The following NPY2R variants were observed in gnomAD, a reference collection of about 807,000 sequenced individuals.
The protein encoded by NPY2R is neuropeptide Y receptor Y2.
A neutral mutation model predicts 22.3 loss-of-function variants in NPY2R; 17 were observed. The observed-to-expected ratio is 0.76, with a 90% CI of 0.52 to 1.14. The LOEUF is 1.14. NPY2R is among the 50% of genes most tolerant of loss of function. The pLI is 0.00. For missense variants in NPY2R, 424 were observed against 467.9 expected (o/e 0.91, Z 0.87); for synonymous variants, 209 against 183.4 (o/e 1.14, Z -1.13).
the NPY2R span, among the ~76,000 whole-genome samples, chr4:155,199,383 A>G: frequency 6.6e-6 from 1 of 152,168 alleles, no homozygotes; most frequent in Non-Finnish European, 1.5e-5. Context: ...AACAAATGGA[A>G]AAACATTTCA....
At chr4:155,213,269 A>G (rs1729442257) in intron 1 of NPY2R, among the ~76,000 whole-genome samples, 1 of 152,206 alleles carries the variant, frequency 6.6e-6, no homozygotes, top group Non-Finnish European at 1.5e-5. Context: ...TTTGTACCCC[A>G]AAAGCTATTG....
At chr4:155,201,143 G>A in the NPY2R span, among the ~76,000 whole-genome samples, 4 of 151,920 alleles carry the variant, frequency 2.6e-5, no homozygotes, top group African/African-American at 7.3e-5. Flanking sequence ...TTGTATATAC[G>A]TGCCATTTTC....
chr4:155,204,282 T>C (rs1267946461), upstream of NPY2R, among the ~76,000 whole-genome samples: 1 of 152,174 alleles, frequency 6.6e-6, no homozygotes, highest in Non-Finnish European at 1.5e-5. Flanking sequence ...CTTATTCTCT[T>C]GTGCTTTTTT....
chr4:155,193,238 C>T, the NPY2R span, among the ~76,000 whole-genome samples: 1 of 151,800 alleles, frequency 6.6e-6, no homozygotes, highest in Non-Finnish European at 1.5e-5. Flanking sequence ...AGGTTCAATA[C>T]CATTACCCCT....
At chr4:155,199,783 C>T in the NPY2R span, among the ~76,000 whole-genome samples, 1 of 152,036 alleles carries the variant, frequency 6.6e-6, no homozygotes, top group African/African-American at 2.4e-5. Context: ...ATAAATGGTG[C>T]CAGGAAAACT....
the NPY2R span, among the ~76,000 whole-genome samples, chr4:155,178,037 T>C: frequency 6.6e-6 from 1 of 152,204 alleles, no homozygotes; most frequent in Admixed American, 6.6e-5. Context: ...ATTTTAGTTA[T>C]AAGAATATTT....
At chr4:155,176,430 A>T in the NPY2R span, among the ~76,000 whole-genome samples, 5 of 152,120 alleles carry the variant, frequency 3.3e-5, no homozygotes, top group Admixed American at 3.3e-4. Context: ...CAGATCAAGG[A>T]ATATAATGCT....
chr4:155,190,010 C>T, the NPY2R span, among the ~76,000 whole-genome samples: 2 of 151,956 alleles, frequency 1.3e-5, 1 homozygote, highest in African/African-American at 4.8e-5. Context: ...CTCTGGAAGT[C>T]ACTGAATGTA....
chr4:155,186,666 A>G, the NPY2R span, among the ~76,000 whole-genome samples: 2 of 152,192 alleles, frequency 1.3e-5, no homozygotes, highest in Non-Finnish European at 2.9e-5. Context: ...AACTATACTC[A>G]TCATGATACA....
At chr4:155,202,613 A>G in the NPY2R span, among the ~76,000 whole-genome samples, 1 of 152,148 alleles carries the variant, frequency 6.6e-6, no homozygotes, top group Admixed American at 6.6e-5. Context: ...ATGTTCTGAA[A>G]TTTTTATTTT....
chr4:155,202,749 CT>C, the NPY2R span, among the ~76,000 whole-genome samples: 2 of 151,966 alleles, frequency 1.3e-5, no homozygotes, highest in Non-Finnish European at 2.9e-5. Context: ...TACTTGTACT[CT>C]TTTTAAAAAA....
chr4:155,184,729 A>AT, the NPY2R span, among the ~76,000 whole-genome samples: 2 of 152,164 alleles, frequency 1.3e-5, no homozygotes, highest in South Asian at 4.1e-4. Context: ...ATTCTCAAAT[A>AT]TTGTGCTGCG....
Position 155,214,752 on chromosome 4 carries a change from GT to G in NPY2R, c.814del (p.Cys272ValfsTer29). Reference sequence around the variant, plus strand: ...GGCAAAAAACCACCAAAATGCTGGTGTGTGTGGTGGTGGTGTTTGCGGTCAG... The same window carrying G: ...GGCAAAAAACCACCAAAATGCTGGTGGTGTGGTGGTGGTGTTTGCGGTCAG... ...RRQKTTKMLVCVVVVFAVSWL... is the reference protein window; with the variant it reads ...RRQKTTKMLVXVVVVFAVSWL... On this transcript the variant is annotated frameshift_variant, in exon 2 of 2. Transcript: ENST00000329476. LOFTEE classifies it high-confidence loss of function. The G allele has an allele frequency of 2.5e-6, 4 of 1,614,214 alleles. No individual in the cohort carries two copies. Among genetic ancestry groups the G allele is most frequent in the Non-Finnish European group, 3.4e-6 (4 of 1,180,010 alleles).
Position 155,215,199 on chromosome 4 carries a change from A to C in NPY2R, c.*114A>C. 2 of 1,001,310 alleles carry C rather than the reference A, an allele frequency of 2.0e-6. No individual in the cohort carries two copies. The highest frequency in any genetic ancestry group is 3.1e-6 in the Non-Finnish European group (2 of 642,688). The allele number at this position is 1,001,310 out of a possible 1,614,324, so 62.0% of individuals were successfully genotyped here. A position where few individuals can be genotyped will look rare whatever the true frequency, so the allele number is the denominator to read the frequency against. ...CATTTTAAAGAAGAAGTGGATCTAA[A>C]TGGAAGCATCTGCTGTTTAATTCCT... On this transcript the variant is annotated 3_prime_UTR_variant, in exon 2 of 2. Transcript: ENST00000329476.
At chr4:155,190,920 C>T in the NPY2R span, among the ~76,000 whole-genome samples, 1 of 151,896 alleles carries the variant, frequency 6.6e-6, no homozygotes, top group African/African-American at 2.4e-5. Context: ...TTGTGTTTCT[C>T]ACTATATGTT....
At chr4:155,193,457 A>G in the NPY2R span, among the ~76,000 whole-genome samples, 1 of 151,942 alleles carries the variant, frequency 6.6e-6, no homozygotes, top group African/African-American at 2.4e-5. Context: ...AACTTCAGAA[A>G]TAAGGGCTCG....
At chr4:155,183,283 G>A in the NPY2R span, among the ~76,000 whole-genome samples, 3 of 152,080 alleles carry the variant, frequency 2.0e-5, no homozygotes, top group Admixed American at 6.6e-5. Flanking sequence ...CTAAACAAAC[G>A]CCTCCATTTC....
the NPY2R span, among the ~76,000 whole-genome samples, chr4:155,191,271 C>A: frequency 6.6e-6 from 1 of 151,832 alleles, no homozygotes; most frequent in Non-Finnish European, 1.5e-5. Context: ...GAACCTAGCT[C>A]CACATTTCAT....
At chr4:155,174,600 CT>C in the NPY2R span, among the ~76,000 whole-genome samples, 2 of 151,104 alleles carry the variant, frequency 1.3e-5, no homozygotes, top group Non-Finnish European at 3.0e-5. Context: ...TAAAGGAAGA[CT>C]GTAGATTTAA....
Sources: allele counts gnomAD v4.1 joint callset (sites outside exome capture counted in the v4.1 genomes callset), GRCh38; gene constraint gnomAD v4.1.1; transcripts MANE v1.5; gene names NCBI Gene and HGNC (gene_info 2026-07-23, HGNC 2026-07-21).